The following SIGLEC7 variants were observed in gnomAD, a reference collection of about 807,000 sequenced individuals.
SIGLEC7 encodes sialic acid binding Ig like lectin 7.
A neutral mutation model predicts 40.8 loss-of-function variants in SIGLEC7; 33 were observed. The observed-to-expected ratio is 0.81, with a 90% CI of 0.61 to 1.08. The LOEUF (loss-of-function observed/expected upper bound fraction) is 1.08, where lower values mean the gene tolerates loss of function less well. SIGLEC7 is among the 50% of genes least tolerant of loss of function. The probability of loss-of-function intolerance (pLI) is 0.00; values close to 1 mark genes in which losing one functional copy is unlikely to be tolerated. For missense variants in SIGLEC7, 513 were observed against 576.1 expected, an observed-to-expected ratio of 0.89 and a Z score of 1.12; for synonymous variants, 242 against 237.6, an observed-to-expected ratio of 1.02 and a Z score of -0.17.
At chr19:51,146,432 G>A (rs1038208906) in intron 4 of SIGLEC7, among the ~76,000 whole-genome samples, 5 of 152,078 alleles carry the variant, frequency 3.3e-5, no homozygotes, top group Admixed American at 6.5e-5. Flanking sequence ...CTGGGCACAC[G>A]ACTAAAAAAC....
At position 51,143,874 on chromosome 19, in the gene SIGLEC7, T is replaced by A. The variant is rs903736735; in HGVS notation, c.434-532T>A. 6 of 442,256 alleles carry A rather than the reference T, an allele frequency of 1.4e-5. No homozygotes were observed. In the Admixed American group the frequency reaches 1.6e-4, roughly 12 times the overall value. The allele number at this position is 442,256 out of a possible 1,614,324, so 27.4% of individuals were successfully genotyped here. Reference sequence around the variant, plus strand: ...TACAGGCTGGAGGTGCTGGAGTTGGTGATGGTGCAGGAGGGCTAGTGCGTC... The same window carrying A: ...TACAGGCTGGAGGTGCTGGAGTTGGAGATGGTGCAGGAGGGCTAGTGCGTC... On this transcript the variant is annotated intron_variant, in intron 1 of 6. Transcript: ENST00000317643.
At chr19:51,150,436 G>A (rs190701415) in intron 6 of SIGLEC7, among the ~76,000 whole-genome samples, 162 of 152,222 alleles carry the variant, frequency 1.1e-3, no homozygotes, top group Admixed American at 6.0e-3. Flanking sequence ...TGTTTGTGTG[G>A]TGAATCACAT....
chr19:51,145,051 G>C lies in SIGLEC7; in HGVS notation c.760+92G>C. The C allele has an allele frequency of 3.2e-6, 4 of 1,248,880 alleles. No individual in the cohort carries two copies. Among genetic ancestry groups the C allele is most frequent in the Middle Eastern group, 1.9e-4 (1 of 5,300 alleles). 77.4% of individuals were successfully genotyped at this position (1,248,880 alleles called of 1,614,324 possible). On this transcript the variant is annotated intron_variant, in intron 3 of 6. Coordinates refer to ENST00000317643, the MANE Select transcript of SIGLEC7 (RefSeq NM_014385.4). The surrounding 1 kb of genome is among the most constrained non-coding windows in gnomAD (Gnocchi z 4.3). ...CTCCTCATCCTGGACTCACCCTGGT[G>C]ATATGAGACTCCCTTGTAGTTGAAC...
Position 51,145,527 on chromosome 19 carries a change from G to A in SIGLEC7, c.761-328G>A, listed in dbSNP as rs2092101283. ...GATTTTGTGGCATCTCCTAATGGAA[G>A]ATCATGGCACTAATTTTATCCTACG... On this transcript the variant is annotated intron_variant, in intron 3 of 6. Transcript: ENST00000317643. This position sits in a 1 kb window ranked among gnomAD's most constrained non-coding sequence, Gnocchi z 4.3. Among the ~76,000 whole-genome samples, 1 of 152,194 alleles carries A rather than the reference G, an allele frequency of 6.6e-6. No individual in the cohort carries two copies. The highest frequency in any genetic ancestry group is 6.5e-5 in the Admixed American group (1 of 15,280).
rs367855372 is a variant in SIGLEC7, at chr19:51,146,081, G to C, written c.987G>C (p.Gln329His). 4 of 1,614,208 alleles carry C rather than the reference G, an allele frequency of 2.5e-6. No individual in the cohort carries two copies. The highest frequency in any genetic ancestry group is 3.4e-6 in the Non-Finnish European group (4 of 1,180,036). ...TCRAQNSLGS[Q>H]HVSLNLSLQQ... ...GAGCTCAGAACTCTCTGGGTTCCCAGCACGTTTCCCTGAACCTCTCCCTGC... is the reference window on the plus strand; with the variant it reads ...GAGCTCAGAACTCTCTGGGTTCCCACCACGTTTCCCTGAACCTCTCCCTGC... The change falls in exon 4 of 7, where the codon CAG becomes CAC. Residue 329 changes from glutamine (Q) to histidine (H), a missense_variant. Physicochemically the swap from Gln to His is conservative, Grantham distance 24. Coordinates refer to ENST00000317643, the MANE Select transcript of SIGLEC7 (RefSeq NM_014385.4).
In SIGLEC7 at chr19:51,142,696, C is replaced by T. The variant is rs2092077032; in HGVS notation, c.327C>T (p.Ser109=). The change falls in exon 1 of 7, where the codon AGC becomes AGT. Residue 109 remains serine, a synonymous_variant. Coordinates refer to ENST00000317643, the MANE Select transcript of SIGLEC7 (RefSeq NM_014385.4). The surrounding 1 kb of genome is among the most constrained non-coding windows in gnomAD (Gnocchi z 5.0). ...GDPQTKNCTL[S]IRDARMSDAG... ...CACAGACCAAAAATTGCACCCTGAG[C>T]ATCAGAGATGCCAGAATGAGTGATG... 11 of 1,614,174 alleles carry T rather than the reference C, an allele frequency of 6.8e-6. No homozygotes were observed. The highest frequency in any genetic ancestry group is 1.1e-5 in the South Asian group (1 of 91,090).
intron 1 of SIGLEC7, 116 bp from the exon 2 acceptor site, chr19:51,144,290 G>A: frequency 6.7e-7 from 1 of 1,503,128 alleles, no homozygotes; most frequent in Non-Finnish European, 8.8e-7. Flanking sequence ...CCCTGGGAGA[G>A]GGCTGAGGGT....
chr19:51,150,637 T>C (rs554984872), intron 6 of SIGLEC7, among the ~76,000 whole-genome samples: 5 of 152,350 alleles, frequency 3.3e-5, no homozygotes, highest in African/African-American at 7.2e-5. Flanking sequence ...AGGATGATAC[T>C]GGCCTCATAG....
At chr19:51,150,673 C>T (rs1655227424) in intron 6 of SIGLEC7, among the ~76,000 whole-genome samples, 2 of 152,150 alleles carry the variant, frequency 1.3e-5, no homozygotes. Flanking sequence ...AGTCAGTCTT[C>T]CTCCGTATTT....
chr19:51,144,855 AG>A (rs1268732202), intron 2 of SIGLEC7, 56 bp from the exon 3 acceptor site: 11 of 1,594,804 alleles, frequency 6.9e-6, no homozygotes, highest in Non-Finnish European at 9.5e-6. Flanking sequence ...CTGGGGAGAC[AG>A]GGCCAGTGTC....
At position 51,142,601 on chromosome 19, in the gene SIGLEC7, G is replaced by A; in HGVS notation, c.232G>A (p.Val78Met). The A allele has an allele frequency of 6.2e-7, 1 of 1,614,190 alleles. No individual in the cohort carries two copies. Among genetic ancestry groups the A allele is most frequent in the Non-Finnish European group, 8.5e-7 (1 of 1,180,048 alleles). The change falls in exon 1 of 7, where the codon GTG becomes ATG. Residue 78 changes from valine to methionine, a missense_variant. Coordinates refer to ENST00000317643, the MANE Select transcript of SIGLEC7 (RefSeq NM_014385.4). The surrounding 1 kb of genome is among the most constrained non-coding windows in gnomAD (Gnocchi z 5.0). ...AGNDISWKAPVATNNPAWAVQ... is the reference protein window; with the variant it reads ...AGNDISWKAPMATNNPAWAVQ... ...GAATGATATAAGCTGGAAGGCTCCA[G>A]TGGCCACAAACAACCCAGCTTGGGC...
At chr19:51,151,913 G>T (rs1234500120) in intron 6 of SIGLEC7, among the ~76,000 whole-genome samples, 2 of 152,210 alleles carry the variant, frequency 1.3e-5, no homozygotes, top group Admixed American at 1.3e-4. Flanking sequence ...AGCAGGGAAG[G>T]GCTGCGATGA....
At chr19:51,147,549 C>T (rs894463433) in intron 6 of SIGLEC7, among the ~76,000 whole-genome samples, 1 of 152,124 alleles carries the variant, frequency 6.6e-6, no homozygotes, top group African/African-American at 2.4e-5. Context: ...CTCTGTCCTC[C>T]CTTTCTTCTC....
intron 6 of SIGLEC7, among the ~76,000 whole-genome samples, chr19:51,151,447 G>C (rs578016581): frequency 1.6e-4 from 24 of 152,344 alleles, no homozygotes; most frequent in Non-Finnish European, 1.5e-5. Context: ...CTATAGTCAG[G>C]AGAAAGGAGT....
chr19:51,144,831 C>T, intron 2 of SIGLEC7, 81 bp from the exon 3 acceptor site: 2 of 1,586,848 alleles, frequency 1.3e-6, no homozygotes, highest in Admixed American at 3.3e-5. Context: ...CCGCCTTCCC[C>T]ATTTATGCAG....
chr19:51,143,168 A>G (rs887628347), intron 1 of SIGLEC7, among the ~76,000 whole-genome samples: 2 of 152,150 alleles, frequency 1.3e-5, no homozygotes, highest in Admixed American at 6.5e-5. Flanking sequence ...ATGCAGTGAG[A>G]CAATAACAAT....
Position 51,153,391 on chromosome 19 carries a change from C to T in SIGLEC7, c.*146C>T. 1 of 587,612 alleles carries T rather than the reference C, an allele frequency of 1.7e-6. No homozygotes were observed. The highest frequency in any genetic ancestry group is 2.7e-6 in the Non-Finnish European group (1 of 365,958). The allele number at this position is 587,612 out of a possible 1,614,324, so 36.4% of individuals were successfully genotyped here. ...CCTCTTGTCTAACTGAAAATGCATG[C>T]CTGATGACCAAACTCTCCCTTTCCC... On this transcript the variant is annotated 3_prime_UTR_variant, in exon 7 of 7. Coordinates refer to ENST00000317643, the MANE Select transcript of SIGLEC7 (RefSeq NM_014385.4).
In SIGLEC7 at chr19:51,146,841, T is replaced by C. The variant is rs766042946; in HGVS notation, c.1115T>C (p.Ile372Thr). 2.5e-6 allele frequency: 4 copies of C among 1,613,916 alleles called. No homozygotes were observed. In the South Asian group the frequency reaches 4.4e-5, roughly 18 times the overall value. ...CTGGTCTTCCTCTCCTTCTGTGTCATCTTCATTGTGTGAGCACTGACCCTA... is the reference window on the plus strand; with the variant it reads ...CTGGTCTTCCTCTCCTTCTGTGTCACCTTCATTGTGTGAGCACTGACCCTA... ...TALVFLSFCV[I>T]FIVVRSCRKK... The change falls in exon 5 of 7, where the codon ATC becomes ACC. Residue 372 changes from isoleucine (I) to threonine (T), a missense_variant. Coordinates refer to ENST00000317643, the MANE Select transcript of SIGLEC7 (RefSeq NM_014385.4).
chr19:51,143,646 TCCTCTCCAGCC>T (rs1326054539), intron 1 of SIGLEC7, among the ~76,000 whole-genome samples: 11 of 151,932 alleles, frequency 7.2e-5, no homozygotes, highest in Non-Finnish European at 1.6e-4. Flanking sequence ...GGTCTCCAGC[TCCTCTCCAGCC>T]CCTCTCCAGC....
Sources: gnomAD v4.1 joint callset for allele counts (sites outside exome capture counted in the v4.1 genomes callset) on GRCh38, gnomAD v4.1.1 for gene constraint, Gnocchi (gnomAD v3.1) non-coding constraint, MANE v1.5 for transcripts, NCBI Gene and HGNC (gene_info 2026-07-23, HGNC 2026-07-21) for gene names.